SPICE1: variants seen among roughly 807,000 people sequenced by gnomAD.
SPICE1 encodes spindle and centriole-associated protein 1.
Under a neutral mutation model 102.7 loss-of-function variants are expected in SPICE1, and 75 were observed. That is an observed-to-expected ratio of 0.73 (90% CI 0.61 to 0.88). SPICE1 has a LOEUF of 0.88. SPICE1 is among the 40% of genes least tolerant of loss of function. The pLI is 0.00. For synonymous variants in SPICE1, 308 were observed against 350.3 expected, an observed-to-expected ratio of 0.88 and a Z score of 1.35; for missense variants, 979 against 1,020.1, an observed-to-expected ratio of 0.96 and a Z score of 0.55.
chr3:113,496,470 C>T (rs534594128), intron 4 of SPICE1, among the ~76,000 whole-genome samples: 26 of 152,134 alleles, frequency 1.7e-4, no homozygotes, highest in African/African-American at 6.3e-4. Context: ...TTTTGTACCA[C>T]AGTAAAAGAC....
rs1229122185 is a variant in SPICE1, at chr3:113,475,400, T to C, written c.612-6162A>G. On this transcript the variant is annotated intron_variant, in intron 7 of 17. Transcript: ENST00000295872. Reference sequence around the variant, plus strand: ...TTCCTTCTGAAACTATTCCAATCAATAGAAAAAGAGGGAATCCTCCCTAAC... The same window carrying C: ...TTCCTTCTGAAACTATTCCAATCAACAGAAAAAGAGGGAATCCTCCCTAAC... Among the ~76,000 whole-genome samples, 4 of 151,608 alleles carry C rather than the reference T, an allele frequency of 2.6e-5. No homozygotes were observed. In the East Asian group the frequency reaches 7.7e-4, roughly 29 times the overall value.
intron 7 of SPICE1, among the ~76,000 whole-genome samples, chr3:113,488,667 G>A (rs976358693): frequency 2.0e-5 from 3 of 152,140 alleles, no homozygotes; most frequent in East Asian, 1.9e-4. Context: ...TTACTCAGGC[G>A]ACTGGTGCTC....
intron 7 of SPICE1, among the ~76,000 whole-genome samples, chr3:113,480,922 A>AAGAG: frequency 7.2e-6 from 1 of 139,324 alleles, no homozygotes; most frequent in African/African-American, 2.9e-5. Flanking sequence ...TAAAGAAAGA[A>AAGAG]AGAAAGAAAA....
chr3:113,459,552 A>T (rs555324463), intron 12 of SPICE1: 116 of 985,444 alleles, frequency 1.2e-4, no homozygotes, highest in Non-Finnish European at 1.4e-4. Context: ...TAATTCAGAT[A>T]ATAGTAAAAC....
intron 7 of SPICE1, among the ~76,000 whole-genome samples, chr3:113,472,722 G>A (rs904446161): frequency 1.3e-5 from 2 of 152,270 alleles, no homozygotes; most frequent in African/African-American, 4.8e-5. Context: ...TACAGCTGAG[G>A]GTCCTGTCTG....
intron 7 of SPICE1, among the ~76,000 whole-genome samples, chr3:113,485,382 C>T (rs115435514): frequency 0.041 from 6,216 of 152,068 alleles, 420 homozygotes; most frequent in African/African-American, 0.14. Context: ...CTGGGACGCT[C>T]GAGCTTGGTG....
rs182778432 is a variant in SPICE1 at position 113,514,006 on chromosome 3, A to T, written c.-1+891T>A. Among the ~76,000 whole-genome samples the T allele has an allele frequency of 5.3e-5, 8 of 152,378 alleles. No individual in the cohort carries two copies. The East Asian group carries it at 1.5e-3, about 29-fold the overall frequency. ...AGTACCTAACTAACTCTATGCAGTAAGTAAAAGCTTCTCCTCTCTGTAATA... is the reference window on the plus strand; with the variant it reads ...AGTACCTAACTAACTCTATGCAGTATGTAAAAGCTTCTCCTCTCTGTAATA... On this transcript the variant is annotated intron_variant, in intron 1 of 17. Transcript: ENST00000295872.
intron 7 of SPICE1, among the ~76,000 whole-genome samples, chr3:113,473,378 G>A (rs1247302442): frequency 6.6e-6 from 1 of 152,074 alleles, no homozygotes; most frequent in Non-Finnish European, 1.5e-5. Flanking sequence ...TATTATCCAG[G>A]AGAACTTCCC....
At chr3:113,470,054 A>AAGCGTTATGCT (rs1198781224) in intron 7 of SPICE1, among the ~76,000 whole-genome samples, 1 of 152,234 alleles carries the variant, frequency 6.6e-6, no homozygotes, top group Non-Finnish European at 1.5e-5. Context: ...TTACAGAGCT[A>AAGCGTTATGCT]AGCGTTATGC....
At chr3:113,514,784 C>G (rs527337623) in intron 1 of SPICE1, 113 bp downstream of exon 1, 2 of 1,286,110 alleles carry the variant, frequency 1.6e-6, no homozygotes, top group Non-Finnish European at 2.0e-6. Flanking sequence ...TACAATCGAG[C>G]ACCCCCAATT....
chr3:113,503,191 G>T lies in SPICE1; in HGVS notation c.136C>A (p.Pro46Thr), dbSNP rs1486236801. ...GATATTAAACTCACCAGATCTTCGG[G>T]AGTTGCCCGATGAACGGTTAGATCA... ...VTDLTVHRAT[P>T]EDLVRRHEIH... The change falls in exon 3 of 18, where the codon CCC (proline) becomes ACC (threonine). Residue 46 changes from proline (P) to threonine (T), a missense_variant. Physicochemically the swap from Pro to Thr is conservative, Grantham distance 38. Coordinates refer to ENST00000295872, the MANE Select transcript of SPICE1 (RefSeq NM_144718.4). 1.9e-6 allele frequency: 3 copies of T among 1,603,902 alleles called. No individual in the cohort carries two copies. The South Asian group carries it at 3.4e-5, about 18-fold the overall frequency.
At chr3:113,465,624 A>G (rs1936036463) in intron 11 of SPICE1, 29 bp downstream of exon 11, 1 of 1,601,632 alleles carries the variant, frequency 6.2e-7, no homozygotes. Flanking sequence ...ACCACTGAAC[A>G]CATAAAAATT....
intron 12 of SPICE1, among the ~76,000 whole-genome samples, chr3:113,459,178 C>A (rs629892): frequency 0.012 from 1,854 of 152,254 alleles, 29 homozygotes; most frequent in African/African-American, 0.042. Flanking sequence ...GGATTAAGGG[C>A]AGTGCAAGAT....
Position 113,494,229 on chromosome 3 carries a change from G to A in SPICE1, c.292-87C>T, listed in dbSNP as rs1174030286. On this transcript the variant is annotated intron_variant, in intron 4 of 17. Coordinates refer to ENST00000295872, the MANE Select transcript of SPICE1 (RefSeq NM_144718.4). ...GGAAAAGACCATAAAAAGGCCTGGA[G>A]CATGAAAATAACCATAGGCTACCTT... 12 of 859,878 alleles carry A rather than the reference G, an allele frequency of 1.4e-5. No homozygotes were observed. The East Asian group carries it at 2.4e-4, about 17-fold the overall frequency. 53.3% of individuals were successfully genotyped at this position (859,878 alleles called of 1,614,324 possible). A position where few individuals can be genotyped will look rare whatever the true frequency, so the allele number is the denominator to read the frequency against.
intron 15 of SPICE1, among the ~76,000 whole-genome samples, chr3:113,448,664 A>C (rs1935572470): frequency 6.6e-6 from 1 of 152,166 alleles, no homozygotes; most frequent in South Asian, 2.1e-4. Flanking sequence ...GAAGTAGGTA[A>C]TCAATCAGCA....
intron 11 of SPICE1, among the ~76,000 whole-genome samples, chr3:113,465,165 C>T (rs1362529503): frequency 6.6e-6 from 1 of 151,282 alleles, no homozygotes; most frequent in Admixed American, 6.6e-5. Context: ...ATAGGTTTTC[C>T]AGAAGAGAAT....
intron 7 of SPICE1, among the ~76,000 whole-genome samples, chr3:113,475,258 C>T (rs1034215041): frequency 6.6e-6 from 1 of 152,150 alleles, no homozygotes; most frequent in African/African-American, 2.4e-5. Context: ...TCTGAATAGA[C>T]CAATAACAGG....
chr3:113,499,577 G>A lies in SPICE1; in HGVS notation c.153C>T (p.Arg51=). ...TCTTCGATTTGTGTATTTCATGACG[G>A]CGTACCTATACAGAAGAGAAAAGTA... ...VHRATPEDLV[R]RHEIHKSKNR... Residue 51 remains arginine (R), a synonymous_variant, in exon 4 of 18, where the codon CGC becomes CGT. Coordinates refer to ENST00000295872, the MANE Select transcript of SPICE1 (RefSeq NM_144718.4). 4 of 1,608,108 alleles carry A rather than the reference G, an allele frequency of 2.5e-6. No individual in the cohort carries two copies. Among genetic ancestry groups the A allele is most frequent in the Non-Finnish European group, 3.4e-6 (4 of 1,177,916 alleles).
intron 17 of SPICE1, among the ~76,000 whole-genome samples, chr3:113,446,155 G>A (rs1935507665): frequency 6.6e-6 from 1 of 152,078 alleles, no homozygotes; most frequent in African/African-American, 2.4e-5. Context: ...CTAACCAATG[G>A]CACAGTCAGA....
Sources: gnomAD v4.1 joint callset for allele counts (sites outside exome capture counted in the v4.1 genomes callset) on GRCh38, gnomAD v4.1.1 for gene constraint, MANE v1.5 for transcripts, NCBI Gene and HGNC (gene_info 2026-07-23, HGNC 2026-07-21) for gene names.